The following HMCN1 variants were observed in gnomAD, a reference collection of about 807,000 sequenced individuals.
HMCN1 encodes the protein hemicentin-1.
In HMCN1, 321 loss-of-function variants were observed where a neutral mutation model predicts 625.9. The observed-to-expected ratio is 0.51, with a 90% CI of 0.47 to 0.56. The LOEUF (loss-of-function observed/expected upper bound fraction) is 0.56. Among genes scored for constraint, HMCN1 ranks in the 20% least tolerant of loss-of-function variants. HMCN1 has a pLI of 0.00. For synonymous variants in HMCN1, 2,425 were observed against 2,417.6 expected (o/e 1.00, Z -0.09); for missense variants, 6,588 against 6,887.3 (o/e 0.96, Z 1.54).
intron 65 of HMCN1, 111 bp downstream of exon 65, chr1:186,093,369 C>T: frequency 6.3e-7 from 1 of 1,577,470 alleles, no homozygotes; most frequent in Non-Finnish European, 8.7e-7. Context: ...TTTGATGCCA[C>T]CACTATTTCC....
intron 55 of HMCN1, 125 bp downstream of exon 55, chr1:186,078,345 C>T: frequency 1.4e-6 from 1 of 715,074 alleles, no homozygotes; most frequent in Admixed American, 2.1e-5. Flanking sequence ...TGATAGTTCT[C>T]CCAAGGAGGT....
chr1:186,101,390 A>T (rs180963603), intron 68 of HMCN1, among the ~76,000 whole-genome samples: 1 of 152,216 alleles, frequency 6.6e-6, no homozygotes, highest in East Asian at 1.9e-4. Flanking sequence ...GGAAAAAAAC[A>T]AGTTTTGAGA....
intron 4 of HMCN1, among the ~76,000 whole-genome samples, chr1:185,905,307 A>G (rs1666033877): frequency 6.6e-6 from 1 of 151,670 alleles, no homozygotes; most frequent in African/African-American, 2.4e-5. Context: ...GGAATCTTCT[A>G]TATTTCATGT....
chr1:185,909,282 T>A, intron 4 of HMCN1, 55 bp from the exon 5 acceptor site: 1 of 1,392,590 alleles, frequency 7.2e-7, no homozygotes, highest in Non-Finnish European at 1.0e-6. Context: ...ACAGCAATGA[T>A]ATAAAACTGC....
intron 1 of HMCN1, among the ~76,000 whole-genome samples, chr1:185,750,836 TC>T (rs58398602): frequency 6.6e-6 from 1 of 151,532 alleles, no homozygotes; most frequent in Non-Finnish European, 1.5e-5. Context: ...AATTCTATTT[TC>T]CCCCCCTCCC....
At chr1:185,860,034 G>T (rs555780258) in intron 2 of HMCN1, among the ~76,000 whole-genome samples, 5 of 152,134 alleles carry the variant, frequency 3.3e-5, no homozygotes, top group African/African-American at 1.2e-4. Flanking sequence ...TGAAATATCA[G>T]ATAGAGAGCT....
At chr1:186,046,531 C>T (rs924817682) in intron 41 of HMCN1, among the ~76,000 whole-genome samples, 1 of 151,990 alleles carries the variant, frequency 6.6e-6, no homozygotes, top group African/African-American at 2.4e-5. Context: ...CTTCCAGTCT[C>T]ATGTAAATAC....
intron 4 of HMCN1, among the ~76,000 whole-genome samples, chr1:185,866,069 G>A (rs980473924): frequency 6.6e-6 from 1 of 152,060 alleles, no homozygotes; most frequent in Non-Finnish European, 1.5e-5. Flanking sequence ...ATTACTTATA[G>A]CAACAAACTG....
At chr1:185,801,592 C>T (rs781330316) in intron 1 of HMCN1, among the ~76,000 whole-genome samples, 2 of 152,056 alleles carry the variant, frequency 1.3e-5, no homozygotes, top group East Asian at 1.9e-4. Flanking sequence ...AATGTAAATG[C>T]GACTTAGAGA....
chr1:185,803,232 G>T (rs970027217), intron 1 of HMCN1, among the ~76,000 whole-genome samples: 4 of 104,548 alleles, frequency 3.8e-5, no homozygotes, highest in African/African-American at 1.5e-4. Context: ...AACAAAACAA[G>T]GAGGAAATTG....
chr1:185,774,131 TC>T (rs1557957006), intron 1 of HMCN1, among the ~76,000 whole-genome samples: 1 of 152,134 alleles, frequency 6.6e-6, no homozygotes, highest in East Asian at 1.9e-4. Context: ...CCTTTCCAGA[TC>T]CCCTAACCTC....
chr1:186,139,608 T>G (rs937413696), intron 89 of HMCN1, among the ~76,000 whole-genome samples: 2 of 151,892 alleles, frequency 1.3e-5, no homozygotes, highest in Admixed American at 6.6e-5. Flanking sequence ...TTTTTTTTTT[T>G]TTTAAAGGCT....
In HMCN1 at chr1:185,760,016, CTTCTT is replaced by C. The variant is rs1655389226; in HGVS notation, c.268+24976_268+24980del. Among the ~76,000 whole-genome samples the C allele has an allele frequency of 2.6e-5, 4 of 152,240 alleles. No individual in the cohort carries two copies. In the South Asian group the frequency reaches 8.3e-4, roughly 32 times the overall value. ...GTTGATATTCAGAAGTAATTCTTTT[CTTCTT>C]TTCTTTAGAGCTTCATAGTTGGTGA... On this transcript the variant is annotated intron_variant, in intron 1 of 106. Coordinates refer to ENST00000271588, the MANE Select transcript of HMCN1 (RefSeq NM_031935.3).
rs80040327 is a variant in HMCN1, at chr1:186,060,960, G to A, written c.7313-891G>A. Among the ~76,000 whole-genome samples, 1,495 of 152,142 alleles carry A rather than the reference G, an allele frequency of 9.8e-3. 12 individuals carry two copies. The highest frequency in any genetic ancestry group is 0.037 in the Middle Eastern group (11 of 294). On this transcript the variant is annotated intron_variant, in intron 46 of 106. Coordinates refer to ENST00000271588, the MANE Select transcript of HMCN1 (RefSeq NM_031935.3). ...TTGTTTATACACTCCATAGTCTTTAGTGAGTGCAATAAAATCTAAATTCCT... is the reference window on the plus strand; with the variant it reads ...TTGTTTATACACTCCATAGTCTTTAATGAGTGCAATAAAATCTAAATTCCT...
chr1:185,814,431 C>T (rs1296837437), intron 1 of HMCN1, among the ~76,000 whole-genome samples: 1 of 152,062 alleles, frequency 6.6e-6, no homozygotes, highest in Non-Finnish European at 1.5e-5. Flanking sequence ...AAGTTGAAGT[C>T]TTCTGAGAAA....
At chr1:185,930,724 C>T (rs992635870) in intron 10 of HMCN1, among the ~76,000 whole-genome samples, 24 of 152,090 alleles carry the variant, frequency 1.6e-4, no homozygotes, top group African/African-American at 5.8e-4. Context: ...TTTAAATGCA[C>T]AACAGGTGTA....
At chr1:186,176,007 T>A (rs929858978) in intron 103 of HMCN1, among the ~76,000 whole-genome samples, 1 of 152,184 alleles carries the variant, frequency 6.6e-6, no homozygotes, top group African/African-American at 2.4e-5. Context: ...AAGCAAAATT[T>A]ACTATTTTAT....
rs896178426 is a variant in HMCN1, at chr1:185,823,000, C to T, written c.269-23026C>T. ...TATTTCACTCATCTCCTCTTTCACT[C>T]TCCCTTCCTTTAACTTATCTCACTC... On this transcript the variant is annotated intron_variant, in intron 1 of 106. Transcript: ENST00000271588. Among the ~76,000 whole-genome samples the T allele has an allele frequency of 9.9e-5, 15 of 152,256 alleles. No homozygotes were observed. In the East Asian group the frequency reaches 2.9e-3, roughly 29 times the overall value.
At chr1:185,779,223 T>A (rs1308539243) in intron 1 of HMCN1, among the ~76,000 whole-genome samples, 1 of 152,230 alleles carries the variant, frequency 6.6e-6, no homozygotes, top group Non-Finnish European at 1.5e-5. Context: ...TTTGTTTGAG[T>A]TCTTTGTAGA....
Sources: allele counts gnomAD v4.1 joint callset (sites outside exome capture counted in the v4.1 genomes callset), GRCh38; gene constraint gnomAD v4.1.1; transcripts MANE v1.5; gene names NCBI Gene and HGNC (gene_info 2026-07-23, HGNC 2026-07-21).